The following ARHGAP21 variants were observed in gnomAD, a reference collection of about 807,000 sequenced individuals.
ARHGAP21 encodes Rho GTPase activating protein 21.
ARHGAP21 carries 38 observed loss-of-function variants against 164.6 expected under a neutral mutation model. That is an observed-to-expected ratio of 0.23 (90% confidence interval 0.18 to 0.30). The LOEUF is 0.30. Ranked by LOEUF, ARHGAP21 falls within the 10% of genes least tolerant of loss-of-function variation. The pLI, the probability that ARHGAP21 is intolerant of heterozygous loss-of-function variation, is 1.00. For missense variants in ARHGAP21, 1,822 were observed against 2,370.7 expected (o/e 0.77, Z 4.81); for synonymous variants, 766 against 857.9 (o/e 0.89, Z 1.87).
intron 2 of ARHGAP21, among the ~76,000 whole-genome samples, chr10:24,686,212 C>T (rs1244149265): frequency 1.3e-5 from 2 of 152,092 alleles, no homozygotes; most frequent in African/African-American, 4.8e-5. Flanking sequence ...AAGAGGACTG[C>T]TTGAGCCCAG....
chr10:24,668,178 C>G (rs1381391964), intron 3 of ARHGAP21, among the ~76,000 whole-genome samples: 2 of 152,184 alleles, frequency 1.3e-5, no homozygotes, highest in Non-Finnish European at 2.9e-5. Flanking sequence ...AACTCAAACC[C>G]AGGCTCTTTT....
chr10:24,615,620 C>G (rs942274934), intron 9 of ARHGAP21, among the ~76,000 whole-genome samples: 4 of 152,178 alleles, frequency 2.6e-5, no homozygotes, highest in African/African-American at 9.7e-5. Context: ...TGTCAGTTCT[C>G]TGAGAGAGCT....
At position 24,596,892 on chromosome 10, in the gene ARHGAP21, G is replaced by T. The variant is rs969324586; in HGVS notation, c.3335-10C>A. On this transcript the variant is annotated splice_polypyrimidine_tract_variant and intron_variant, in intron 16 of 25. Transcript: ENST00000396432. ...GGGGGACTGGTATCATCTTTTGATT[G>T]CCAGTCAAAATAAAACAACATAATA... is the stretch of plus-strand genomic sequence containing the variant. The T allele has an allele frequency of 2.5e-6, 4 of 1,589,870 alleles. No homozygotes were observed. The highest frequency in any genetic ancestry group is 3.4e-6 in the Non-Finnish European group (4 of 1,173,864).
intron 2 of ARHGAP21, among the ~76,000 whole-genome samples, chr10:24,702,644 T>C (rs1843804088): frequency 1.3e-5 from 2 of 152,056 alleles, no homozygotes; most frequent in Non-Finnish European, 2.9e-5. Flanking sequence ...TGGAGTGCAG[T>C]GGCAGAATCT....
At position 24,723,607 on chromosome 10, in the gene ARHGAP21, G is replaced by A. The variant is rs1363557187; in HGVS notation, c.-426C>T. ...GATCCGCACGGGGCTGGCCGGCTCC[G>A]GGACAGCGCGCCCCGCCCGCCCGCC... On this transcript the variant is annotated 5_prime_UTR_variant, in exon 1 of 26. Coordinates refer to ENST00000396432, the MANE Select transcript of ARHGAP21 (RefSeq NM_020824.4). The A allele has an allele frequency of 6.8e-6, 1 of 146,658 alleles. No individual in the cohort carries two copies. The highest frequency in any genetic ancestry group is 1.5e-5 in the Non-Finnish European group (1 of 65,656). 9.1% of individuals were successfully genotyped at this position (146,658 alleles called of 1,614,324 possible).
At chr10:24,636,825 T>C (rs1340744612) in intron 4 of ARHGAP21, among the ~76,000 whole-genome samples, 1 of 152,220 alleles carries the variant, frequency 6.6e-6, no homozygotes, top group African/African-American at 2.4e-5. Flanking sequence ...ACTTGAAATT[T>C]TCTGTGTGCT....
chr10:24,648,658 T>TA (rs1837840538), intron 4 of ARHGAP21, among the ~76,000 whole-genome samples: 1 of 151,246 alleles, frequency 6.6e-6, no homozygotes. Flanking sequence ...TAGGTGCCTA[T>TA]AAACCCAGCT....
At chr10:24,604,428 A>G in intron 11 of ARHGAP21, 80 bp from the exon 12 acceptor site, 1 of 943,636 alleles carries the variant, frequency 1.1e-6, no homozygotes, top group Non-Finnish European at 1.6e-6. Flanking sequence ...TGAATATTAC[A>G]ATTACTCTTT....
chr10:24,702,107 G>A (rs939641245), intron 2 of ARHGAP21, among the ~76,000 whole-genome samples: 1 of 151,306 alleles, frequency 6.6e-6, no homozygotes, highest in South Asian at 2.1e-4. Flanking sequence ...CTTGGTGAGG[G>A]GGAGAAAATA....
chr10:24,682,192 C>T (rs536080199), intron 2 of ARHGAP21, among the ~76,000 whole-genome samples: 2 of 150,910 alleles, frequency 1.3e-5, no homozygotes, highest in East Asian at 3.9e-4. Context: ...TTTTGAGATA[C>T]TTGGGAAAAC....
chr10:24,615,047 G>C lies in ARHGAP21; in HGVS notation c.2422+4426C>G, dbSNP rs189838021. On this transcript the variant is annotated intron_variant, in intron 9 of 25. Coordinates refer to ENST00000396432, the MANE Select transcript of ARHGAP21 (RefSeq NM_020824.4). ...CTACTAAAAATACAAAAAATTAGCT[G>C]GGCATGGTGGTGCACACCTGTAATC... 1.1e-4 allele frequency among the ~76,000 whole-genome samples: 16 copies of C among 151,926 alleles called. No homozygotes were observed. In the East Asian group the frequency reaches 2.9e-3, roughly 28 times the overall value.
At chr10:24,702,021 A>T (rs888226369) in intron 2 of ARHGAP21, among the ~76,000 whole-genome samples, 13 of 152,006 alleles carry the variant, frequency 8.6e-5, no homozygotes, top group African/African-American at 2.7e-4. Context: ...AACTTCTTGT[A>T]TCTGGCTCCA....
At position 24,595,193 on chromosome 10, in the gene ARHGAP21, G is replaced by A; in HGVS notation, c.3713-3C>T. The A allele has an allele frequency of 6.2e-7, 1 of 1,608,242 alleles. No individual in the cohort carries two copies. Among genetic ancestry groups the A allele is most frequent in the Non-Finnish European group, 8.5e-7 (1 of 1,177,558 alleles). On this transcript the variant is annotated splice_region_variant and splice_polypyrimidine_tract_variant and intron_variant, in intron 19 of 25. Transcript: ENST00000396432. ...TTCAATAAAATCAGCATATTTATCTGACGACAAGAACAATAAAACAAATTT... is the reference window on the plus strand; with the variant it reads ...TTCAATAAAATCAGCATATTTATCTAACGACAAGAACAATAAAACAAATTT...
At chr10:24,693,190 C>T (rs1236321288) in intron 2 of ARHGAP21, among the ~76,000 whole-genome samples, 2 of 152,102 alleles carry the variant, frequency 1.3e-5, no homozygotes, top group Non-Finnish European at 2.9e-5. Context: ...GCAAACCTCG[C>T]CAAGCTATGT....
At chr10:24,708,637 T>G (rs1844475210) in intron 2 of ARHGAP21, among the ~76,000 whole-genome samples, 3 of 152,218 alleles carry the variant, frequency 2.0e-5, no homozygotes, top group African/African-American at 7.2e-5. Context: ...CACCCATGTG[T>G]ACAAATTTTT....
chr10:24,601,414 A>C (rs1412208364), intron 13 of ARHGAP21, among the ~76,000 whole-genome samples: 1 of 152,198 alleles, frequency 6.6e-6, no homozygotes, highest in Admixed American at 6.5e-5. Flanking sequence ...GCTTTCTTAA[A>C]ATTTTTAAAC....
Position 24,584,551 on chromosome 10 carries a change from A to G in ARHGAP21, c.5738T>C (p.Ile1913Thr), listed in dbSNP as rs746618047. Residue 1913 changes from isoleucine (I) to threonine (T), a missense_variant, in exon 26 of 26, where the codon ATA becomes ACA. Transcript: ENST00000396432. Reference sequence around the variant, plus strand: ...TATTTGGTCAGGTGACTGTGGTGGTATGGAAAGAAGGGGCCTGTTTGTTGA... The same window carrying G: ...TATTTGGTCAGGTGACTGTGGTGGTGTGGAAAGAAGGGGCCTGTTTGTTGA... Reference protein sequence around the residue: ...LASTNRPLLSIPPQSPDQING... With the variant: ...LASTNRPLLSTPPQSPDQING... 1.2e-6 allele frequency: 2 copies of G among 1,613,928 alleles called. No homozygotes were observed. Among genetic ancestry groups the G allele is most frequent in the Admixed American group, 3.3e-5 (2 of 60,006 alleles).
At chr10:24,682,069 G>T (rs1371113626) in intron 2 of ARHGAP21, among the ~76,000 whole-genome samples, 1 of 151,470 alleles carries the variant, frequency 6.6e-6, no homozygotes, top group Non-Finnish European at 1.5e-5. Context: ...TTTGTAAAGG[G>T]ATTAAAACAG....
In ARHGAP21 at chr10:24,619,759, C is replaced by G; in HGVS notation, c.2136G>C (p.Arg712Ser). Residue 712 changes from arginine to serine, a missense_variant, in exon 9 of 26, where the codon AGG (arginine) becomes AGC (serine). Transcript: ENST00000396432. The stretch of plus-strand genomic sequence containing the variant: ...CCTCTTGTAAACTTAAATCTTGATT[C>G]CTTTGACTGACAGGTAGTTCTAAAT... ...TSDLELPVSQ[R>S]NQDLSLQEAE... 6.2e-7 allele frequency: 1 copy of G among 1,614,058 alleles called. No homozygotes were observed. The highest frequency in any genetic ancestry group is 8.5e-7 in the Non-Finnish European group (1 of 1,180,016).
Sources: allele counts gnomAD v4.1 joint callset (sites outside exome capture counted in the v4.1 genomes callset), GRCh38; gene constraint gnomAD v4.1.1; transcripts MANE v1.5; gene names NCBI Gene and HGNC (gene_info 2026-07-23, HGNC 2026-07-21).